UGT3A1: variants seen among roughly 807,000 people sequenced by gnomAD.
The protein encoded by UGT3A1 is UDP glycosyltransferase family 3 member A1.
Under a neutral mutation model 37.6 loss-of-function variants are expected in UGT3A1, and 40 were observed. The ratio of observed to expected loss-of-function variants is 1.06; its 90% CI spans 0.83 to 1.38. The LOEUF (loss-of-function observed/expected upper bound fraction) is 1.38, where lower values mean the gene tolerates loss of function less well. Ranked by LOEUF, UGT3A1 falls within the 40% of genes most tolerant of loss-of-function variation. UGT3A1 has a pLI of 0.00. For missense variants in UGT3A1, 642 were observed against 634.2 expected (o/e 1.01, Z -0.13); for synonymous variants, 256 against 232.3 (o/e 1.10, Z -0.93).
intron 1 of UGT3A1, 72 bp downstream of exon 1, chr5:35,991,075 C>A: frequency 6.2e-7 from 1 of 1,613,910 alleles, no homozygotes; most frequent in Non-Finnish European, 8.5e-7. Context: ...GATCAATCGC[C>A]GTTCGCTGGA....
rs35842142 is a variant in UGT3A1, at chr5:35,975,662, AT to A, written c.197-7530del. ...GGCTGACTTAATGAAACAGTGAAGC[AT>A]TTTTTTTTTTACTTTTTTTCATTTT... is the stretch of plus-strand genomic sequence containing the variant. On this transcript the variant is annotated intron_variant, in intron 2 of 6. Transcript: ENST00000274278. Among the ~76,000 whole-genome samples, 1,111 of 148,468 alleles carry A rather than the reference AT, an allele frequency of 7.5e-3. 18 individuals carry two copies. Among genetic ancestry groups the A allele is most frequent in the Admixed American group, 0.02 (301 of 14,898 alleles).
chr5:35,975,154 C>T (rs181508758), intron 2 of UGT3A1, among the ~76,000 whole-genome samples: 5 of 152,158 alleles, frequency 3.3e-5, no homozygotes, highest in Admixed American at 1.3e-4. Flanking sequence ...CTCAGCCAAC[C>T]CTGTCATTTG....
intron 4 of UGT3A1, among the ~76,000 whole-genome samples, chr5:35,963,982 A>G (rs1739694335): frequency 1.3e-5 from 2 of 152,236 alleles, no homozygotes; most frequent in Admixed American, 1.3e-4. Flanking sequence ...TTTAATGCAT[A>G]GGAAGTTTCA....
intron 2 of UGT3A1, among the ~76,000 whole-genome samples, chr5:35,981,292 T>A (rs764859540): frequency 1.5e-4 from 23 of 152,116 alleles, no homozygotes; most frequent in Non-Finnish European, 3.1e-4. Context: ...ACCAGCAATA[T>A]CCCAGAACTC....
intron 2 of UGT3A1, among the ~76,000 whole-genome samples, chr5:35,988,139 CA>C (rs879452547): frequency 6.6e-6 from 1 of 151,930 alleles, no homozygotes; most frequent in Non-Finnish European, 1.5e-5. Context: ...CATTTCTGTT[CA>C]AAAAAACTTT....
intron 2 of UGT3A1, among the ~76,000 whole-genome samples, chr5:35,976,026 C>T (rs994987882): frequency 1.3e-5 from 2 of 152,192 alleles, no homozygotes; most frequent in Admixed American, 6.5e-5. Flanking sequence ...TCACCACTCA[C>T]TATTTCCCCT....
At chr5:35,988,346 A>C (rs1740803845) in intron 2 of UGT3A1, 104 bp downstream of exon 2, 6 of 754,598 alleles carry the variant, frequency 8.0e-6, no homozygotes, top group Non-Finnish European at 1.3e-5. Context: ...TCCCGAAATA[A>C]GACTAGATTC....
rs376481965 is a variant in UGT3A1 at position 35,966,023 on chromosome 5, C to T, written c.312-106G>A. On this transcript the variant is annotated intron_variant, in intron 3 of 6. Coordinates refer to ENST00000274278, the MANE Select transcript of UGT3A1 (RefSeq NM_152404.4). ...TATTTCAGGTATGTTAAGAATATAA[C>T]CAGTATCCATCAACCCATTCTACAA... 4.4e-5 allele frequency: 39 copies of T among 878,510 alleles called. 1 individual carries two copies. In the South Asian group the frequency reaches 8.2e-4, roughly 18 times the overall value. 54.4% of individuals were successfully genotyped at this position (878,510 alleles called of 1,614,324 possible). A position where few individuals can be genotyped will look rare whatever the true frequency, so the allele number is the denominator to read the frequency against.
At chr5:35,995,802 A>C (rs1332536381), upstream of UGT3A1, among the ~76,000 whole-genome samples, 1 of 152,242 alleles carries the variant, frequency 6.6e-6, no homozygotes, top group Non-Finnish European at 1.5e-5. Flanking sequence ...CAAATGAATC[A>C]GTTTTAAATT....
chr5:35,991,501 T>C, upstream of UGT3A1: 2 of 1,279,690 alleles, frequency 1.6e-6, no homozygotes, highest in Admixed American at 3.4e-5. Flanking sequence ...GGTAACCTGA[T>C]CTGTAACCTT....
At chr5:35,996,523 C>G (rs1741100030) in intron 2 of UGT3A1, among the ~76,000 whole-genome samples, 1 of 152,182 alleles carries the variant, frequency 6.6e-6, no homozygotes, top group Non-Finnish European at 1.5e-5. Context: ...CCCCTTGACC[C>G]AGGCTCTAAG....
At position 35,955,675 on chromosome 5, in the gene UGT3A1, A is replaced by G; in HGVS notation, c.1265T>C (p.Leu422Pro). The G allele has an allele frequency of 6.2e-7, 1 of 1,614,188 alleles. No individual in the cohort carries two copies. Among genetic ancestry groups the G allele is most frequent in the Non-Finnish European group, 8.5e-7 (1 of 1,180,040 alleles). Reference sequence around the variant, plus strand: ...GTCTTCTATGACTTGTTTCATTGTAAGTGTCAGTGTGTCGGCTGTGACCTG... The same window carrying G: ...GTCTTCTATGACTTGTTTCATTGTAGGTGTCAGTGTGTCGGCTGTGACCTG... ...LNQVTADTLT[L>P]TMKQVIEDKR... Residue 422 changes from leucine to proline, a missense_variant, in exon 6 of 7, where the codon CTT (leucine) becomes CCT (proline). Coordinates refer to ENST00000274278, the MANE Select transcript of UGT3A1 (RefSeq NM_152404.4).
upstream of UGT3A1, among the ~76,000 whole-genome samples, chr5:35,994,333 TTGTGTGTGTG>T (rs35026618): frequency 2.3e-4 from 32 of 138,638 alleles, no homozygotes; most frequent in African/African-American, 5.8e-4. Flanking sequence ...TTTGTTTTGT[TTGTGTGTGTG>T]TGTGTGTGTG....
chr5:35,978,680 C>T (rs143569768), intron 2 of UGT3A1, among the ~76,000 whole-genome samples: 2,522 of 152,232 alleles, frequency 0.017, 69 homozygotes, highest in African/African-American at 0.057. Flanking sequence ...CAACCCATAT[C>T]ATTCTGCCAC....
At chr5:35,958,986 C>T (rs576547020) in intron 4 of UGT3A1, among the ~76,000 whole-genome samples, 9 of 152,086 alleles carry the variant, frequency 5.9e-5, no homozygotes, top group Non-Finnish European at 1.2e-4. Flanking sequence ...ATACTGCAGA[C>T]CTATGAAGGC....
intron 2 of UGT3A1, among the ~76,000 whole-genome samples, chr5:35,982,073 G>A (rs967232249): frequency 6.6e-6 from 1 of 152,258 alleles, no homozygotes; most frequent in African/African-American, 2.4e-5. Flanking sequence ...GGCAAGAGTT[G>A]AGATTTGGAA....
At chr5:35,976,917 GAA>G (rs1561466625) in intron 2 of UGT3A1, among the ~76,000 whole-genome samples, 3 of 142,644 alleles carry the variant, frequency 2.1e-5, no homozygotes, top group Non-Finnish European at 3.0e-5. Context: ...AGGAGAGAGA[GAA>G]AGAAAAAGAA....
chr5:35,954,469 C>T lies in UGT3A1; in HGVS notation c.1305G>A (p.Ser435=), dbSNP rs145744890. The T allele has an allele frequency of 2.2e-5, 36 of 1,613,558 alleles. No homozygotes were observed. Among genetic ancestry groups the T allele is most frequent in the South Asian group, 7.7e-5 (7 of 91,064 alleles). Residue 435 remains serine (S), a synonymous_variant, in exon 7 of 7, where the codon TCG becomes TCA. Transcript: ENST00000274278. ...GGATGACACTGGCTGCCACCACTGC[C>T]GACTTGTACCTGTTGGCGGAGACAG... ...KQVIEDKRYK[S]AVVAASVILH...
intron 3 of UGT3A1, among the ~76,000 whole-genome samples, chr5:35,966,705 G>C (rs1047492618): frequency 6.6e-6 from 1 of 152,152 alleles, no homozygotes; most frequent in Non-Finnish European, 1.5e-5. Flanking sequence ...TAGATCCTGA[G>C]CAGTGGTAAT....
Sources: allele counts gnomAD v4.1 joint callset (sites outside exome capture counted in the v4.1 genomes callset), GRCh38; gene constraint gnomAD v4.1.1; transcripts MANE v1.5; gene names NCBI Gene and HGNC (gene_info 2026-07-23, HGNC 2026-07-21).